The following RBFOX1 variants were observed in gnomAD, a reference collection of about 807,000 sequenced individuals.
The protein encoded by RBFOX1 is RNA binding protein fox-1 homolog 1.
RBFOX1 carries 8 observed loss-of-function variants against 57.7 expected under a neutral mutation model. That is an observed-to-expected ratio of 0.14 (90% CI 0.08 to 0.25). The LOEUF (loss-of-function observed/expected upper bound fraction) is 0.25, where lower values mean the gene tolerates loss of function less well. RBFOX1 is among the 10% of genes least tolerant of loss of function. The pLI, the probability that RBFOX1 is intolerant of heterozygous loss-of-function variation, is 1.00. For synonymous variants in RBFOX1, 326 were observed against 222.4 expected (o/e 1.47, Z -4.15); for missense variants, 611 against 548.5 (o/e 1.11, Z -1.14).
chr16:7,086,692 G>A lies in RBFOX1; in HGVS notation c.27+34594G>A, dbSNP rs563917060. ...CTGCTGCAAAATTTCCTAGGTCTGCGATTGCAAAGAGAGGGAGGGAAGAAT... is the reference window on the plus strand; with the variant it reads ...CTGCTGCAAAATTTCCTAGGTCTGCAATTGCAAAGAGAGGGAGGGAAGAAT... On this transcript the variant is annotated intron_variant, in intron 4 of 15. Coordinates refer to ENST00000550418, the MANE Select transcript of RBFOX1 (RefSeq NM_018723.4). Among the ~76,000 whole-genome samples the A allele has an allele frequency of 1.9e-3, 278 of 143,172 alleles. 2 individuals are homozygous for A. The highest frequency in any genetic ancestry group is 3.0e-3 in the Non-Finnish European group (196 of 65,170). 93.9% of individuals were successfully genotyped at this position (143,172 alleles called of 152,430 possible). A position where few individuals can be genotyped will look rare whatever the true frequency, so the allele number is the denominator to read the frequency against.
intron 3 of RBFOX1, among the ~76,000 whole-genome samples, chr16:6,880,369 C>T (rs768206291): frequency 7.9e-5 from 12 of 152,130 alleles, no homozygotes; most frequent in Admixed American, 6.5e-4. Context: ...ATTATACTTT[C>T]CACTTCAGTC....
chr16:5,657,603 G>C (rs1380160670), intron 3 of RBFOX1, among the ~76,000 whole-genome samples: 2 of 136,240 alleles, frequency 1.5e-5, no homozygotes, highest in African/African-American at 5.7e-5. Flanking sequence ...ATTCTTTCTC[G>C]CTCGCTTTCT....
chr16:7,060,666 T>G (rs917688217), intron 4 of RBFOX1, among the ~76,000 whole-genome samples: 2 of 152,178 alleles, frequency 1.3e-5, no homozygotes, highest in African/African-American at 4.8e-5. Context: ...AAATTTATCC[T>G]TTTTTATTGG....
At chr16:6,870,419 C>G (rs532544519) in intron 3 of RBFOX1, among the ~76,000 whole-genome samples, 67 of 152,340 alleles carry the variant, frequency 4.4e-4, no homozygotes, top group African/African-American at 1.6e-3. Context: ...TCTTACCTCA[C>G]TTCTGATACC....
intron 3 of RBFOX1, among the ~76,000 whole-genome samples, chr16:6,889,743 T>G (rs897654209): frequency 3.3e-5 from 5 of 152,178 alleles, no homozygotes; most frequent in African/African-American, 1.2e-4. Context: ...AATCTTGGAA[T>G]AGACCCTTCA....
intron 3 of RBFOX1, among the ~76,000 whole-genome samples, chr16:6,958,285 C>A (rs564148837): frequency 2.0e-4 from 30 of 152,272 alleles, no homozygotes; most frequent in African/African-American, 7.2e-4. Context: ...CTTTATGAGG[C>A]AATTATTCCA....
intron 3 of RBFOX1, among the ~76,000 whole-genome samples, chr16:6,743,604 A>C (rs1456230876): frequency 1.3e-5 from 2 of 151,676 alleles, no homozygotes; most frequent in African/African-American, 2.4e-5. Context: ...TGAAGTGAGC[A>C]TGGTGGTGCA....
chr16:6,296,087 GTTC>G (rs1204812687), intron 1 of RBFOX1, among the ~76,000 whole-genome samples: 1 of 152,202 alleles, frequency 6.6e-6, no homozygotes, highest in Non-Finnish European at 1.5e-5. Flanking sequence ...ACAAGCAGTT[GTTC>G]TTCTCACAGA....
At chr16:5,989,749 T>G (rs1050032746) in intron 4 of RBFOX1, among the ~76,000 whole-genome samples, 1 of 151,844 alleles carries the variant, frequency 6.6e-6, no homozygotes, top group African/African-American at 2.4e-5. Flanking sequence ...GTAGCTTATC[T>G]TGGTCATGAG....
chr16:7,225,712 G>T (rs1231548141), intron 4 of RBFOX1, among the ~76,000 whole-genome samples: 2 of 132,356 alleles, frequency 1.5e-5, no homozygotes, highest in Non-Finnish European at 3.1e-5. Flanking sequence ...TTTGTCAAAA[G>T]TAGAATATAT....
intron 3 of RBFOX1, among the ~76,000 whole-genome samples, chr16:6,924,545 C>T (rs1347416068): frequency 6.6e-6 from 1 of 152,148 alleles, no homozygotes; most frequent in Non-Finnish European, 1.5e-5. Flanking sequence ...CACATTTCAA[C>T]ATGAGATTTA....
At chr16:7,501,972 T>G (rs1171006574) in intron 4 of RBFOX1, among the ~76,000 whole-genome samples, 1 of 152,150 alleles carries the variant, frequency 6.6e-6, no homozygotes, top group African/African-American at 2.4e-5. Flanking sequence ...AATACCTAAC[T>G]CCTGAAACAA....
intron 2 of RBFOX1, among the ~76,000 whole-genome samples, chr16:5,493,575 A>G (rs190386698): frequency 1.6e-3 from 251 of 152,360 alleles, no homozygotes; most frequent in African/African-American, 5.4e-3. Flanking sequence ...TTGATGGGAC[A>G]GAATATTTTC....
At chr16:5,790,509 T>TGA (rs1555528260) in intron 3 of RBFOX1, among the ~76,000 whole-genome samples, 2 of 113,246 alleles carry the variant, frequency 1.8e-5, no homozygotes, top group Non-Finnish European at 3.6e-5. Context: ...AACAATATGC[T>TGA]GAAAAAAAAA....
intron 3 of RBFOX1, among the ~76,000 whole-genome samples, chr16:5,645,808 G>A (rs1260807405): frequency 6.6e-6 from 1 of 152,162 alleles, no homozygotes; most frequent in Non-Finnish European, 1.5e-5. Context: ...TAGAACTACA[G>A]GCATGTGCCA....
chr16:5,452,750 T>G (rs1220358214), intron 1 of RBFOX1, among the ~76,000 whole-genome samples: 1 of 151,612 alleles, frequency 6.6e-6, no homozygotes, highest in Non-Finnish European at 1.5e-5. Context: ...TTCAAGCCAT[T>G]CTCCCGCCTC....
chr16:5,904,938 A>T (rs75269941), intron 4 of RBFOX1, among the ~76,000 whole-genome samples: 1 of 136,306 alleles, frequency 7.3e-6, no homozygotes, highest in African/African-American at 2.8e-5. Flanking sequence ...GATCGCACCA[A>T]TGCACTCCAG....
chr16:7,468,982 G>A (rs374982907), intron 4 of RBFOX1, among the ~76,000 whole-genome samples: 2 of 152,026 alleles, frequency 1.3e-5, no homozygotes, highest in South Asian at 4.2e-4. Context: ...CACCCAGGCT[G>A]GAGTGCAGTG....
At chr16:6,642,330 T>C (rs2098498598) in intron 2 of RBFOX1, among the ~76,000 whole-genome samples, 1 of 152,212 alleles carries the variant, frequency 6.6e-6, no homozygotes, top group African/African-American at 2.4e-5. Context: ...GGGTAATTAC[T>C]TTTACAGTTA....
Sources: allele counts gnomAD v4.1 joint callset (sites outside exome capture counted in the v4.1 genomes callset), GRCh38; gene constraint gnomAD v4.1.1; transcripts MANE v1.5; gene names NCBI Gene and HGNC (gene_info 2026-07-23, HGNC 2026-07-21).